CADPS: variants seen among roughly 807,000 people sequenced by gnomAD.
The protein encoded by CADPS is calcium-dependent secretion activator 1.
In CADPS, 57 loss-of-function variants were observed where a neutral mutation model predicts 167.3. That is an observed-to-expected ratio of 0.34 (90% CI 0.28 to 0.42). CADPS has a LOEUF of 0.42. Ranked by LOEUF, CADPS falls within the 20% of genes least tolerant of loss-of-function variation. CADPS has a pLI of 1.00. For synonymous variants in CADPS, 676 were observed against 635.3 expected (o/e 1.06, Z -0.96); for missense variants, 1,414 against 1,738.1 (o/e 0.81, Z 3.32).
intron 1 of CADPS, among the ~76,000 whole-genome samples, chr3:62,855,716 T>A (rs73844673): frequency 2.0e-5 from 3 of 152,264 alleles, no homozygotes; most frequent in South Asian, 4.1e-4. Context: ...TTTGGGGGTA[T>A]AGGATTTCAA....
chr3:62,786,577 C>G (rs188424988), intron 1 of CADPS, among the ~76,000 whole-genome samples: 1 of 151,778 alleles, frequency 6.6e-6, no homozygotes, highest in Non-Finnish European at 1.5e-5. Flanking sequence ...CTCAGGAGTT[C>G]GAGGTTAAAG....
chr3:62,729,035 G>A (rs887926736), intron 3 of CADPS, among the ~76,000 whole-genome samples: 5 of 151,798 alleles, frequency 3.3e-5, no homozygotes, highest in Non-Finnish European at 7.3e-5. Flanking sequence ...CTAATACCTG[G>A]CATAAATGCT....
At chr3:62,435,733 A>G (rs2054881830) in intron 28 of CADPS, among the ~76,000 whole-genome samples, 1 of 152,024 alleles carries the variant, frequency 6.6e-6, no homozygotes, top group African/African-American at 2.4e-5. Context: ...AGCCTTTACC[A>G]TCAGATATAC....
rs1465443598 is a variant in CADPS, at chr3:62,601,312, T to C, written c.1326-8564A>G. 6.6e-6 allele frequency among the ~76,000 whole-genome samples: 1 copy of C among 152,200 alleles called. No homozygotes were observed. The highest frequency in any genetic ancestry group is 2.4e-5 in the African/African-American group (1 of 41,456). ...TTTGTTTTGTCTATGGCTTCTTTTG[T>C]GCAGCAATGGCAGAATTGAGTAGTT... On this transcript the variant is annotated intron_variant, in intron 6 of 29. Transcript: ENST00000383710. This position sits in a 1 kb window ranked among gnomAD's most constrained non-coding sequence, Gnocchi z 4.3.
At chr3:62,519,585 T>A (rs6445276) in intron 13 of CADPS, among the ~76,000 whole-genome samples, 2 of 151,920 alleles carry the variant, frequency 1.3e-5, no homozygotes, top group Non-Finnish European at 2.9e-5. Flanking sequence ...GCCTTCAAAT[T>A]CTCTGGTAAA....
At chr3:62,683,289 C>T (rs896593757) in intron 3 of CADPS, among the ~76,000 whole-genome samples, 2 of 151,986 alleles carry the variant, frequency 1.3e-5, no homozygotes, top group Admixed American at 1.3e-4. Context: ...TTCTGGCTCA[C>T]ACAGAGGATG....
intron 1 of CADPS, among the ~76,000 whole-genome samples, chr3:62,803,293 G>T (rs1157634246): frequency 6.6e-6 from 1 of 151,218 alleles, no homozygotes; most frequent in Non-Finnish European, 1.5e-5. Context: ...AAGACATTAA[G>T]GTAGGGGCAT....
chr3:62,545,994 C>G (rs939954117), intron 11 of CADPS, among the ~76,000 whole-genome samples: 1 of 152,102 alleles, frequency 6.6e-6, no homozygotes, highest in African/African-American at 2.4e-5. Context: ...AAATTATTCA[C>G]TAGCAAGAAA....
At chr3:62,767,445 T>G (rs893016483) in intron 1 of CADPS, among the ~76,000 whole-genome samples, 6 of 152,230 alleles carry the variant, frequency 3.9e-5, no homozygotes, top group African/African-American at 1.4e-4. Flanking sequence ...AGCTATTCAA[T>G]AACATAACGA....
intron 9 of CADPS, among the ~76,000 whole-genome samples, chr3:62,568,691 C>T (rs1168992046): frequency 6.6e-6 from 1 of 152,186 alleles, no homozygotes. Context: ...GCCTTGTAAT[C>T]ATGTGAGCCA....
intron 28 of CADPS, among the ~76,000 whole-genome samples, chr3:62,426,344 T>C (rs2149509378): frequency 6.6e-6 from 1 of 152,170 alleles, no homozygotes; most frequent in South Asian, 2.1e-4. Context: ...AGAGATGAGG[T>C]TTCACCATGT....
chr3:62,784,634 C>T (rs1176573467), intron 1 of CADPS, among the ~76,000 whole-genome samples: 1 of 151,688 alleles, frequency 6.6e-6, no homozygotes, highest in Non-Finnish European at 1.5e-5. Context: ...ATCCTATTAC[C>T]AATTTATGGG....
At chr3:62,867,196 G>A (rs1242113767) in intron 1 of CADPS, among the ~76,000 whole-genome samples, 1 of 151,912 alleles carries the variant, frequency 6.6e-6, no homozygotes, top group Admixed American at 6.6e-5. Flanking sequence ...TTGGATTGAG[G>A]ACAAAAATAT....
chr3:62,638,618 T>G (rs1302935335), intron 6 of CADPS, among the ~76,000 whole-genome samples: 1 of 152,150 alleles, frequency 6.6e-6, no homozygotes, highest in African/African-American at 2.4e-5. Context: ...AGACTACTCA[T>G]GAAATCAGAA....
intron 2 of CADPS, among the ~76,000 whole-genome samples, chr3:62,757,054 G>T (rs910930003): frequency 6.6e-6 from 1 of 152,182 alleles, no homozygotes; most frequent in Non-Finnish European, 1.5e-5. Context: ...AGGGAGCCAA[G>T]AAAATAGGCA....
At chr3:62,749,857 A>G (rs1032757588) in intron 3 of CADPS, among the ~76,000 whole-genome samples, 4 of 152,190 alleles carry the variant, frequency 2.6e-5, no homozygotes, top group Non-Finnish European at 5.9e-5. Context: ...CTGTCCCACC[A>G]GCCTCAGTGC....
At chr3:62,870,576 T>C (rs2082453743) in intron 1 of CADPS, among the ~76,000 whole-genome samples, 1 of 152,172 alleles carries the variant, frequency 6.6e-6, no homozygotes, top group Admixed American at 6.5e-5. Context: ...TAGCTTGAAC[T>C]TACAAGACAT....
chr3:62,826,266 G>A (rs535505727), intron 1 of CADPS, among the ~76,000 whole-genome samples: 1 of 152,162 alleles, frequency 6.6e-6, no homozygotes, highest in Non-Finnish European at 1.5e-5. Flanking sequence ...GAAGTTAGGA[G>A]AGGGGTTTGT....
At chr3:62,655,302 A>C (rs970562137) in intron 4 of CADPS, among the ~76,000 whole-genome samples, 2 of 152,290 alleles carry the variant, frequency 1.3e-5, no homozygotes, top group Non-Finnish European at 2.9e-5. Flanking sequence ...AAATAAGGAA[A>C]ATGCAGTCGT....
Sources: gnomAD v4.1 joint callset for allele counts (sites outside exome capture counted in the v4.1 genomes callset) on GRCh38, gnomAD v4.1.1 for gene constraint, Gnocchi (gnomAD v3.1) non-coding constraint, MANE v1.5 for transcripts, NCBI Gene and HGNC (gene_info 2026-07-23, HGNC 2026-07-21) for gene names.